Variants in MAP2K1 observed in about 807,000 individuals in gnomAD.
The protein encoded by MAP2K1 is dual specificity mitogen-activated protein kinase kinase 1.
Under a neutral mutation model 46.3 loss-of-function variants are expected in MAP2K1, and 16 were observed. The observed-to-expected ratio is 0.35, with a 90% CI of 0.23 to 0.52. MAP2K1 has a LOEUF of 0.52. MAP2K1 is among the 20% of genes least tolerant of loss of function. The probability of loss-of-function intolerance (pLI) is 0.94; values close to 1 mark genes in which losing one functional copy is unlikely to be tolerated. For missense variants in MAP2K1, 263 were observed against 497.1 expected (o/e 0.53, Z 4.48); for synonymous variants, 183 against 185.6 (o/e 0.99, Z 0.11).
chr15:66,395,420 T>A (rs1052134312), intron 1 of MAP2K1, among the ~76,000 whole-genome samples: 2 of 152,122 alleles, frequency 1.3e-5, no homozygotes, highest in Non-Finnish European at 2.9e-5. Context: ...TTTTCCTCTG[T>A]TTTTCCGTTC....
At chr15:66,436,613 A>G (rs11637556) in intron 2 of MAP2K1, 133 bp from the exon 3 acceptor site, 11 of 877,696 alleles carry the variant, frequency 1.3e-5, no homozygotes, top group Non-Finnish European at 1.9e-5. Flanking sequence ...TTGAGCAGAA[A>G]CTTGTTTGTA....
intron 1 of MAP2K1, among the ~76,000 whole-genome samples, chr15:66,406,852 G>GA (rs2093398263): frequency 6.6e-6 from 1 of 152,100 alleles, no homozygotes; most frequent in Non-Finnish European, 1.5e-5. Flanking sequence ...CCAACATGGA[G>GA]AAACCCCATC....
At chr15:66,441,372 A>G (rs1329018368) in intron 3 of MAP2K1, among the ~76,000 whole-genome samples, 1 of 152,136 alleles carries the variant, frequency 6.6e-6, no homozygotes, top group Non-Finnish European at 1.5e-5. Context: ...ATTTAGGGTC[A>G]GTTGAGAGGT....
rs375385037 is a variant in MAP2K1, at chr15:66,413,304, TA to T, written c.81-21721del. Among the ~76,000 whole-genome samples, 184 of 152,334 alleles carry T rather than the reference TA, an allele frequency of 1.2e-3. 1 individual carries two copies. The highest frequency in any genetic ancestry group is 4.2e-3 in the African/African-American group (173 of 41,588). Reference sequence around the variant, plus strand: ...TAGGACCATCTTGATCCTAAGGGAATAAGCTTGACTCTTCTCCTCTTGGTGC... The same window carrying T: ...TAGGACCATCTTGATCCTAAGGGAATAGCTTGACTCTTCTCCTCTTGGTGC... On this transcript the variant is annotated intron_variant, in intron 1 of 10. Transcript: ENST00000307102.
At chr15:66,467,516 C>G (rs1294432465) in intron 5 of MAP2K1, among the ~76,000 whole-genome samples, 1 of 152,174 alleles carries the variant, frequency 6.6e-6, no homozygotes, top group Non-Finnish European at 1.5e-5. Flanking sequence ...CAAGACTTAG[C>G]TATTTTCACT....
intron 1 of MAP2K1, among the ~76,000 whole-genome samples, chr15:66,414,385 T>A (rs1371463233): frequency 6.6e-6 from 1 of 152,178 alleles, no homozygotes; most frequent in Non-Finnish European, 1.5e-5. Flanking sequence ...GAATGCACTG[T>A]ACTTCTGATT....
intron 1 of MAP2K1, among the ~76,000 whole-genome samples, chr15:66,391,697 T>C (rs2093356516): frequency 6.6e-6 from 1 of 152,254 alleles, no homozygotes; most frequent in South Asian, 2.1e-4. Flanking sequence ...ACAACGGGTT[T>C]AATAAACCTT....
At chr15:66,402,922 G>T (rs185819091) in intron 1 of MAP2K1, among the ~76,000 whole-genome samples, 1 of 152,302 alleles carries the variant, frequency 6.6e-6, no homozygotes, top group Non-Finnish European at 1.5e-5. Flanking sequence ...GTGTAACGAG[G>T]TTTCTCAAGG....
chr15:66,390,730 A>C (rs970763901), intron 1 of MAP2K1, among the ~76,000 whole-genome samples: 5 of 152,220 alleles, frequency 3.3e-5, no homozygotes, highest in Non-Finnish European at 5.9e-5. Flanking sequence ...GCAGTTACAC[A>C]AAATCCAAAC....
intron 1 of MAP2K1, among the ~76,000 whole-genome samples, chr15:66,420,841 G>GTGTATATGTATA (rs1567003198): frequency 9.5e-4 from 59 of 62,110 alleles, no homozygotes; most frequent in African/African-American, 3.1e-3. Flanking sequence ...GTATATATAT[G>GTGTATATGTATA]TGTGTATATA....
At chr15:66,435,349 G>T (rs2093485145) in intron 2 of MAP2K1, 112 bp downstream of exon 2, 43 of 624,724 alleles carry the variant, frequency 6.9e-5, no homozygotes, top group Non-Finnish European at 6.7e-5. Context: ...TGTGCTGTTT[G>T]AATTTTTTTT....
intron 1 of MAP2K1, among the ~76,000 whole-genome samples, chr15:66,402,195 T>G (rs2093383500): frequency 6.6e-6 from 1 of 152,216 alleles, no homozygotes; most frequent in Non-Finnish European, 1.5e-5. Context: ...TACTTTTCAT[T>G]AGCGGTTTAA....
At chr15:66,441,115 T>C (rs1315887024) in intron 3 of MAP2K1, among the ~76,000 whole-genome samples, 1 of 152,068 alleles carries the variant, frequency 6.6e-6, no homozygotes, top group East Asian at 1.9e-4. Context: ...CAGATGTGCA[T>C]CACCATGTCC....
chr15:66,416,623 A>G lies in MAP2K1; in HGVS notation c.81-18404A>G, dbSNP rs796861294. On this transcript the variant is annotated intron_variant, in intron 1 of 10. Transcript: ENST00000307102. Reference sequence around the variant, plus strand: ...CATCATCAGTTCTGCTGTGGGACTCACATTTCCCTTTCTATGTTTTTTCTC... The same window carrying G: ...CATCATCAGTTCTGCTGTGGGACTCGCATTTCCCTTTCTATGTTTTTTCTC... Among the ~76,000 whole-genome samples the G allele has an allele frequency of 1.9e-4, 29 of 152,206 alleles. No homozygotes were observed. The East Asian group carries it at 3.7e-3, about 19-fold the overall frequency.
intron 5 of MAP2K1, among the ~76,000 whole-genome samples, chr15:66,465,670 A>G (rs1892445732): frequency 6.6e-6 from 1 of 152,048 alleles, no homozygotes; most frequent in Admixed American, 6.6e-5. Flanking sequence ...CTGGGCAACA[A>G]GAGCGAAACT....
At chr15:66,484,802 A>G (rs765701211) in intron 6 of MAP2K1, among the ~76,000 whole-genome samples, 188 bp from the exon 7 acceptor site, 7 of 152,250 alleles carry the variant, frequency 4.6e-5, no homozygotes, top group Non-Finnish European at 1.0e-4. Flanking sequence ...GAGGGGTTAA[A>G]GCCACAGAAG....
chr15:66,389,894 T>C (rs1418302913), intron 1 of MAP2K1, among the ~76,000 whole-genome samples: 1 of 152,144 alleles, frequency 6.6e-6, no homozygotes, highest in South Asian at 2.1e-4. Context: ...AGTCTTTTAG[T>C]CTAAGGCTTA....
rs1487811003 is a variant in MAP2K1 at position 66,387,392 on chromosome 15, C to G, written c.45C>G (p.Pro15=). 1.3e-6 allele frequency: 2 copies of G among 1,565,836 alleles called. No homozygotes were observed. Among genetic ancestry groups the G allele is most frequent in the East Asian group, 2.4e-5 (1 of 42,454 alleles). The change falls in exon 1 of 11, where the codon CCC becomes CCG. Residue 15 remains proline, a synonymous_variant. Transcript: ENST00000307102. ...CGCCCATCCAGCTGAACCCGGCCCC[C>G]GACGGCTCTGCAGTTAACGGGACCA... is the stretch of plus-strand genomic sequence containing the variant. ...KPTPIQLNPA[P]DGSAVNGTSS...
At chr15:66,411,125 T>G (rs1210251095) in intron 1 of MAP2K1, among the ~76,000 whole-genome samples, 1 of 152,094 alleles carries the variant, frequency 6.6e-6, no homozygotes, top group African/African-American at 2.4e-5. Flanking sequence ...TTTGACTGAT[T>G]AAGCAAGGCT....
Sources: gnomAD v4.1 joint callset for allele counts (sites outside exome capture counted in the v4.1 genomes callset) on GRCh38, gnomAD v4.1.1 for gene constraint, MANE v1.5 for transcripts, NCBI Gene and HGNC (gene_info 2026-07-23, HGNC 2026-07-21) for gene names.